KIF1A: variants seen among roughly 807,000 people sequenced by gnomAD.
The protein encoded by KIF1A is kinesin-like protein KIF1A.
A neutral mutation model predicts 227.3 loss-of-function variants in KIF1A; 46 were observed. The observed-to-expected ratio is 0.20, with a 90% CI of 0.16 to 0.26. The LOEUF is 0.26. Ranked by LOEUF, KIF1A falls within the 10% of genes least tolerant of loss-of-function variation. The probability of loss-of-function intolerance (pLI) is 1.00; values close to 1 mark genes in which losing one functional copy is unlikely to be tolerated. For missense variants in KIF1A, 1,683 were observed against 2,485.9 expected, an observed-to-expected ratio of 0.68 and a Z score of 6.87; for synonymous variants, 1,022 against 1,012.8, an observed-to-expected ratio of 1.01 and a Z score of -0.17.
intron 45 of KIF1A, 67 bp from the exon 46 acceptor site, chr2:240,719,993 C>T (rs1431828324): frequency 4.0e-6 from 6 of 1,496,374 alleles, no homozygotes; most frequent in Non-Finnish European, 5.4e-6. Flanking sequence ...TTCCCCCAGG[C>T]TTCACCCTCC....
chr2:240,813,788 G>A (rs574382982), intron 1 of KIF1A, among the ~76,000 whole-genome samples: 8 of 152,262 alleles, frequency 5.3e-5, no homozygotes, highest in South Asian at 2.1e-4. Context: ...TTCCTCGGGC[G>A]TGAGAACAGA....
chr2:240,741,550 T>C (rs2047972074), intron 34 of KIF1A, among the ~76,000 whole-genome samples, 173 bp from the exon 35 acceptor site: 1 of 152,174 alleles, frequency 6.6e-6, no homozygotes, highest in African/African-American at 2.4e-5. Flanking sequence ...ATACACCGGG[T>C]CCTGGGCACT....
At chr2:240,731,784 C>A (rs1397973768) in intron 38 of KIF1A, among the ~76,000 whole-genome samples, 1 of 152,160 alleles carries the variant, frequency 6.6e-6, no homozygotes, top group African/African-American at 2.4e-5. Context: ...TGGACTCTGG[C>A]TCCAGAACCA....
chr2:240,720,273 A>C, intron 45 of KIF1A: 3 of 196,540 alleles, frequency 1.5e-5, no homozygotes, highest in African/African-American at 2.3e-5. Flanking sequence ...CCACAACTAG[A>C]CTGAAGGTGA....
At position 240,790,154 on chromosome 2, in the gene KIF1A, T is replaced by C. The variant is rs1308570588; in HGVS notation, c.107-842A>G. Among the ~76,000 whole-genome samples the C allele has an allele frequency of 6.6e-6, 1 of 152,094 alleles. No homozygotes were observed. The highest frequency in any genetic ancestry group is 1.5e-5 in the Non-Finnish European group (1 of 68,002). On this transcript the variant is annotated intron_variant, in intron 2 of 48. Coordinates refer to ENST00000498729, the MANE Select transcript of KIF1A (RefSeq NM_001244008.2). The surrounding 1 kb of genome is among the most constrained non-coding windows in gnomAD (Gnocchi z 5.0). ...GGGCCTGGACCCTGCAGACTGCATG[T>C]CCTCAGTGGCCGGAAGGACAGGACC...
chr2:240,767,238 C>T, intron 18 of KIF1A, 28 bp downstream of exon 18: 1 of 1,582,080 alleles, frequency 6.3e-7, no homozygotes, highest in East Asian at 2.2e-5. Flanking sequence ...CCTGGCCAGG[C>T]TGGAGTGGCT....
At chr2:240,809,110 T>A (rs1294992466) in intron 1 of KIF1A, among the ~76,000 whole-genome samples, 1 of 152,250 alleles carries the variant, frequency 6.6e-6, no homozygotes, top group Non-Finnish European at 1.5e-5. Flanking sequence ...GAACTATAAC[T>A]TATTGGTGGA....
chr2:240,718,266 G>T, intron 47 of KIF1A, 98 bp from the exon 48 acceptor site: 2 of 845,174 alleles, frequency 2.4e-6, no homozygotes, highest in Non-Finnish European at 3.9e-6. Context: ...GAGGGGCACT[G>T]CCAGGAAAGT....
At position 240,715,491 on chromosome 2, in the gene KIF1A, G is replaced by C. The variant is rs570045314; in HGVS notation, c.*1873C>G. 1 of 152,254 alleles carries C rather than the reference G, an allele frequency of 6.6e-6. No individual in the cohort carries two copies. Among genetic ancestry groups the C allele is most frequent in the Non-Finnish European group, 1.5e-5 (1 of 68,050 alleles). 9.4% of individuals were successfully genotyped at this position (152,254 alleles called of 1,614,324 possible). A position where few individuals can be genotyped will look rare whatever the true frequency, so the allele number is the denominator to read the frequency against. On this transcript the variant is annotated 3_prime_UTR_variant, in exon 49 of 49. Coordinates refer to ENST00000498729, the MANE Select transcript of KIF1A (RefSeq NM_001244008.2). ...CACCTGAGCCCAGGTACGAAAAGGC[G>C]AGCCCACAGTCCCAGCTCCCAAACA...
chr2:240,730,562 G>T (rs1053672291), intron 38 of KIF1A, among the ~76,000 whole-genome samples: 2 of 152,188 alleles, frequency 1.3e-5, no homozygotes. Context: ...GGAGGCCCAG[G>T]TTCTCCAGGG....
rs2047883921 is a variant in KIF1A at position 240,740,949 on chromosome 2, G to A, written c.3749+320C>T. On this transcript the variant is annotated intron_variant, in intron 35 of 48. Coordinates refer to ENST00000498729, the MANE Select transcript of KIF1A (RefSeq NM_001244008.2). The surrounding 1 kb of genome is among the most constrained non-coding windows in gnomAD (Gnocchi z 6.1). ...CCCTCAAAAGTCCCTTGATCACTTT[G>A]TAAGTGCTGTCTGCCTCCCTGCCCT... Among the ~76,000 whole-genome samples the A allele has an allele frequency of 6.6e-6, 1 of 151,746 alleles. No homozygotes were observed. Among genetic ancestry groups the A allele is most frequent in the Non-Finnish European group, 1.5e-5 (1 of 67,908 alleles).
At chr2:240,806,936 ACC>A (rs1187206698) in intron 1 of KIF1A, among the ~76,000 whole-genome samples, 1 of 152,084 alleles carries the variant, frequency 6.6e-6, no homozygotes, top group Admixed American at 6.6e-5. Flanking sequence ...AGAGGGAAAC[ACC>A]CAAAGAATAT....
At chr2:240,737,025 A>G (rs1182112054) in intron 38 of KIF1A, 38 bp downstream of exon 38, 3 of 1,529,530 alleles carry the variant, frequency 2.0e-6, no homozygotes, top group Non-Finnish European at 9.1e-7. Flanking sequence ...GGCTGGGAAC[A>G]TGCCCTGGGC....
intron 1 of KIF1A, among the ~76,000 whole-genome samples, chr2:240,809,130 T>C (rs1246277450): frequency 1.3e-5 from 2 of 152,236 alleles, no homozygotes; most frequent in South Asian, 2.1e-4. Flanking sequence ...AAAATAAATC[T>C]CAATATCTTG....
At position 240,720,056 on chromosome 2, in the gene KIF1A, G is replaced by A. The variant is rs1050346679; in HGVS notation, c.4869-130C>T. 12 of 858,142 alleles carry A rather than the reference G, an allele frequency of 1.4e-5. No homozygotes were observed. In the South Asian group the frequency reaches 2.2e-4, roughly 16 times the overall value. 53.2% of individuals were successfully genotyped at this position (858,142 alleles called of 1,614,324 possible). A position where few individuals can be genotyped will look rare whatever the true frequency, so the allele number is the denominator to read the frequency against. ...GCACCTTCGCAGGGTCTCTCCAGCT[G>A]TGCCCACAGTGGGAGCTCCCGGGGC... On this transcript the variant is annotated intron_variant, in intron 45 of 48. Transcript: ENST00000498729.
In KIF1A at chr2:240,725,415, C is replaced by A; in HGVS notation, c.4123-11G>T. ...GGTGCAGTTCTCCATCTGAGATAGG[C>A]GGGAGCAGGACTCAGGCACAAGGAC... On this transcript the variant is annotated splice_polypyrimidine_tract_variant and intron_variant, in intron 39 of 48. Transcript: ENST00000498729. The surrounding 1 kb of genome is among the most constrained non-coding windows in gnomAD (Gnocchi z 5.8). 6.2e-7 allele frequency: 1 copy of A among 1,611,632 alleles called. No homozygotes were observed. Among genetic ancestry groups the A allele is most frequent in the Non-Finnish European group, 8.5e-7 (1 of 1,179,454 alleles).
In KIF1A at chr2:240,725,650, T is replaced by C. The variant is rs2045929521; in HGVS notation, c.4123-246A>G. ...GCTGCCTGAGGGACTGGTCTCCATG[T>C]GTGGGGACCCCGAGGGTCCCAGACA... On this transcript the variant is annotated intron_variant, in intron 39 of 48. Coordinates refer to ENST00000498729, the MANE Select transcript of KIF1A (RefSeq NM_001244008.2). The surrounding 1 kb of genome is among the most constrained non-coding windows in gnomAD (Gnocchi z 5.8). The C allele has an allele frequency of 2.0e-6, 1 of 500,252 alleles. No homozygotes were observed. Among genetic ancestry groups the C allele is most frequent in the South Asian group, 2.8e-5 (1 of 36,322 alleles). 31.0% of individuals were successfully genotyped at this position (500,252 alleles called of 1,614,324 possible).
intron 1 of KIF1A, among the ~76,000 whole-genome samples, chr2:240,805,487 C>T (rs1033386334): frequency 1.3e-5 from 2 of 151,802 alleles, no homozygotes; most frequent in Non-Finnish European, 2.9e-5. Context: ...AAAAAAAGGG[C>T]GAAAATATAA....
intron 7 of KIF1A, among the ~76,000 whole-genome samples, chr2:240,784,560 C>A (rs1232729454): frequency 6.6e-6 from 1 of 152,230 alleles, no homozygotes; most frequent in Non-Finnish European, 1.5e-5. Context: ...AGCCCTCACT[C>A]CACCCAGCCC....
Sources: gnomAD v4.1 joint callset for allele counts (sites outside exome capture counted in the v4.1 genomes callset) on GRCh38, gnomAD v4.1.1 for gene constraint, Gnocchi (gnomAD v3.1) non-coding constraint, MANE v1.5 for transcripts, NCBI Gene and HGNC (gene_info 2026-07-23, HGNC 2026-07-21) for gene names.